Variants in INPP5A observed in about 807,000 individuals in gnomAD.
INPP5A encodes 43 kDa inositol polyphosphate 5-phophatase.
INPP5A carries 14 observed loss-of-function variants against 65.2 expected under a neutral mutation model. The observed-to-expected ratio is 0.21, with a 90% confidence interval of 0.14 to 0.34. The LOEUF is 0.34. Ranked by LOEUF, INPP5A falls within the 10% of genes least tolerant of loss-of-function variation. INPP5A has a pLI of 1.00. For missense variants in INPP5A, 431 were observed against 545.6 expected, an observed-to-expected ratio of 0.79 and a Z score of 2.09; for synonymous variants, 207 against 208.3, an observed-to-expected ratio of 0.99 and a Z score of 0.05.
At chr10:132,768,774 C>T (rs1178877750) in intron 12 of INPP5A, among the ~76,000 whole-genome samples, 1 of 152,248 alleles carries the variant, frequency 6.6e-6, no homozygotes, top group Non-Finnish European at 1.5e-5. Context: ...CGGTGACTCC[C>T]GGTTTTCAGA....
chr10:132,648,474 C>T (rs1454783751), intron 3 of INPP5A, among the ~76,000 whole-genome samples: 1 of 152,264 alleles, frequency 6.6e-6, no homozygotes, highest in Non-Finnish European at 1.5e-5. Context: ...TTTCAGTGCC[C>T]TCCGCCCTTT....
intron 2 of INPP5A, among the ~76,000 whole-genome samples, chr10:132,613,690 T>A (rs1182154703): frequency 6.6e-6 from 1 of 152,212 alleles, no homozygotes; most frequent in Non-Finnish European, 1.5e-5. Context: ...TGACTTTGTT[T>A]CTTAGGCTAT....
chr10:132,572,221 A>C (rs1464114257), intron 1 of INPP5A, among the ~76,000 whole-genome samples: 2 of 152,252 alleles, frequency 1.3e-5, no homozygotes, highest in Non-Finnish European at 2.9e-5. Context: ...TACTCAGAGG[A>C]AAACGCCTGT....
chr10:132,707,816 C>CGGCATCGGTGGGTGAGA lies in INPP5A; in HGVS notation c.475-482_475-466dup, dbSNP rs1448246198. On this transcript the variant is annotated intron_variant, in intron 6 of 15. Transcript: ENST00000368594. This position sits in a 1 kb window ranked among gnomAD's most constrained non-coding sequence, Gnocchi z 5.5. Reference sequence around the variant, plus strand: ...TGGGTGAGAGGCATCGGTGGGTGAACGGCATCGGTGGGTGAGAGGCATCGG... The same window carrying CGGCATCGGTGGGTGAGA: ...TGGGTGAGAGGCATCGGTGGGTGAACGGCATCGGTGGGTGAGAGGCATCGGTGGGTGAGAGGCATCGG... 2.0e-5 allele frequency among the ~76,000 whole-genome samples: 3 copies of CGGCATCGGTGGGTGAGA among 151,594 alleles called. No individual in the cohort carries two copies. Among genetic ancestry groups the CGGCATCGGTGGGTGAGA allele is most frequent in the East Asian group, 1.9e-4 (1 of 5,162 alleles).
At chr10:132,594,334 G>A (rs1194213405) in intron 1 of INPP5A, among the ~76,000 whole-genome samples, 1 of 152,214 alleles carries the variant, frequency 6.6e-6, no homozygotes, top group African/African-American at 2.4e-5. Context: ...AAGGACAGAC[G>A]TGGCTAGTGC....
chr10:132,542,747 G>T (rs1207244589), intron 1 of INPP5A, among the ~76,000 whole-genome samples: 2 of 152,214 alleles, frequency 1.3e-5, no homozygotes, highest in African/African-American at 4.8e-5. Flanking sequence ...CGTTTCACTT[G>T]GTAATGGCTG....
intron 9 of INPP5A, among the ~76,000 whole-genome samples, chr10:132,747,978 A>G (rs1040850968): frequency 6.6e-6 from 1 of 152,180 alleles, no homozygotes; most frequent in African/African-American, 2.4e-5. Context: ...TGAGCCCAGG[A>G]GGTCAAGGTT....
chr10:132,635,562 A>T (rs2072336813), intron 2 of INPP5A, among the ~76,000 whole-genome samples: 2 of 151,020 alleles, frequency 1.3e-5, no homozygotes, highest in South Asian at 4.2e-4. Flanking sequence ...TGCCCGGCTA[A>T]TTTTTTGTAT....
intron 1 of INPP5A, among the ~76,000 whole-genome samples, chr10:132,539,019 C>G (rs991128070): frequency 2.0e-5 from 3 of 152,164 alleles, no homozygotes; most frequent in Non-Finnish European, 4.4e-5. Context: ...AATTCTGGAC[C>G]CTGCCCCTAA....
At chr10:132,586,569 G>A (rs2071547446) in intron 1 of INPP5A, among the ~76,000 whole-genome samples, 1 of 152,224 alleles carries the variant, frequency 6.6e-6, no homozygotes, top group African/African-American at 2.4e-5. Flanking sequence ...TGGGGGACTG[G>A]AGGTCACCAT....
At chr10:132,614,544 G>A (rs959167138) in intron 2 of INPP5A, among the ~76,000 whole-genome samples, 2 of 152,300 alleles carry the variant, frequency 1.3e-5, no homozygotes, top group Admixed American at 1.3e-4. Flanking sequence ...CTGTCCACCC[G>A]TCCAGGTTCC....
intron 12 of INPP5A, among the ~76,000 whole-genome samples, chr10:132,775,948 T>G (rs1358589957): frequency 6.6e-6 from 1 of 152,168 alleles, no homozygotes; most frequent in Non-Finnish European, 1.5e-5. Flanking sequence ...TATTGTGTGC[T>G]GTGTGCATGT....
intron 1 of INPP5A, among the ~76,000 whole-genome samples, chr10:132,579,410 C>T (rs2133297406): frequency 6.6e-6 from 1 of 152,202 alleles, no homozygotes; most frequent in South Asian, 2.1e-4. Context: ...AAAGCAGCTG[C>T]ACCGGTGGCT....
chr10:132,775,699 G>T (rs1466187827), intron 12 of INPP5A, among the ~76,000 whole-genome samples: 1 of 152,176 alleles, frequency 6.6e-6, no homozygotes, highest in Non-Finnish European at 1.5e-5. Context: ...ATGGGCTGAG[G>T]AAGCCGCTGC....
rs1028865824 is a variant in INPP5A at position 132,545,549 on chromosome 10, G to A, written c.75+7378G>A. Among the ~76,000 whole-genome samples, 2 of 152,234 alleles carry A rather than the reference G, an allele frequency of 1.3e-5. No homozygotes were observed. Among genetic ancestry groups the A allele is most frequent in the African/African-American group, 4.8e-5 (2 of 41,470 alleles). The stretch of plus-strand genomic sequence containing the variant: ...GGGGTGTTCCCGCTGTCTCCTGGGC[G>A]GGTCCTTCTGATGTGAGTGCACTCC... On this transcript the variant is annotated intron_variant, in intron 1 of 15. Coordinates refer to ENST00000368594, the MANE Select transcript of INPP5A (RefSeq NM_005539.5). This position sits in a 1 kb window ranked among gnomAD's most constrained non-coding sequence, Gnocchi z 4.6.
intron 9 of INPP5A, among the ~76,000 whole-genome samples, chr10:132,742,014 G>C (rs777883262): frequency 1.3e-5 from 2 of 152,220 alleles, no homozygotes; most frequent in Non-Finnish European, 2.9e-5. Flanking sequence ...GTGTCCTCAC[G>C]AGTCTCCTGG....
chr10:132,719,796 T>C (rs946257115), intron 8 of INPP5A, among the ~76,000 whole-genome samples: 1 of 151,580 alleles, frequency 6.6e-6, no homozygotes, highest in African/African-American at 2.4e-5. Context: ...TTGTGGGTTC[T>C]GTGGTGCCTG....
intron 9 of INPP5A, among the ~76,000 whole-genome samples, chr10:132,747,284 G>A (rs896442546): frequency 3.3e-5 from 5 of 152,254 alleles, no homozygotes; most frequent in Admixed American, 6.5e-5. Context: ...TAATCCTCAC[G>A]CTGTTTGAAG....
intron 11 of INPP5A, among the ~76,000 whole-genome samples, chr10:132,750,232 C>G (rs1184461192): frequency 2.0e-5 from 3 of 152,238 alleles, no homozygotes; most frequent in Non-Finnish European, 4.4e-5. Flanking sequence ...TCCTCACACT[C>G]CTGTCGCTAG....
Sources: gnomAD v4.1 joint callset for allele counts (sites outside exome capture counted in the v4.1 genomes callset) on GRCh38, gnomAD v4.1.1 for gene constraint, Gnocchi (gnomAD v3.1) non-coding constraint, MANE v1.5 for transcripts, NCBI Gene and HGNC (gene_info 2026-07-23, HGNC 2026-07-21) for gene names.